Variants in MCTP2 observed in about 807,000 individuals in gnomAD.
MCTP2 encodes multiple C2 and transmembrane domain containing 2, also known as multiple C2 and transmembrane domain-containing protein 2.
Under a neutral mutation model 111.6 loss-of-function variants are expected in MCTP2, and 132 were observed. The ratio of observed to expected loss-of-function variants is 1.18; its 90% CI spans 1.03 to 1.37. MCTP2 has a LOEUF of 1.37. Among genes scored for constraint, MCTP2 ranks in the 40% most tolerant of loss-of-function variants. MCTP2 has a pLI of 0.00. For missense variants in MCTP2, 1,183 were observed against 1,067.9 expected, an observed-to-expected ratio of 1.11 and a Z score of -1.50; for synonymous variants, 395 against 387.7, an observed-to-expected ratio of 1.02 and a Z score of -0.22.
chr15:94,315,904 G>A (rs931795445), intron 4 of MCTP2, among the ~76,000 whole-genome samples: 25 of 152,110 alleles, frequency 1.6e-4, no homozygotes, highest in African/African-American at 4.8e-4. Context: ...ATAGCTTTAC[G>A]CCTGGCCTAT....
In MCTP2 at chr15:94,476,777, C is replaced by A; in HGVS notation, c.2552C>A (p.Pro851Gln). 1.3e-6 allele frequency: 2 copies of A among 1,597,462 alleles called. No homozygotes were observed. The highest frequency in any genetic ancestry group is 1.7e-6 in the Non-Finnish European group (2 of 1,165,184). The change falls in exon 22 of 23, where the codon CCG (proline) becomes CAG (glutamine). Residue 851 changes from proline (P) to glutamine (Q), a missense_variant. Transcript: ENST00000357742. ...NELLDFLSRV[P>Q]SDVQKVQYAE... is the part of the protein sequence containing the mutation. ...CTACTAGACTTCCTCTCTAGGGTAC[C>A]GTCTGATGTTCAAAAGGTATGTAAT...
chr15:94,349,819 G>GCAAA (rs2078205437), intron 8 of MCTP2, among the ~76,000 whole-genome samples: 2 of 126,554 alleles, frequency 1.6e-5, no homozygotes, highest in African/African-American at 2.9e-5. Context: ...GACTCTGTCT[G>GCAAA]AAAAAAAAAA....
intron 1 of MCTP2, among the ~76,000 whole-genome samples, chr15:94,282,890 C>G (rs897278367): frequency 2.0e-5 from 3 of 152,124 alleles, no homozygotes; most frequent in African/African-American, 7.2e-5. Context: ...TCTCTGGCCC[C>G]TCAAGGTTAA....
At chr15:94,402,777 T>C in intron 17 of MCTP2, 1 of 1,417,586 alleles carries the variant, frequency 7.1e-7, no homozygotes, top group South Asian at 1.6e-5. Flanking sequence ...TGCAAATCTT[T>C]GTATATTTGG....
Position 94,367,715 on chromosome 15 carries a change from C to T in MCTP2, c.1412C>T (p.Ala471Val), listed in dbSNP as rs562673266. ...ATGTTGGTCACACTTACACCCTGTG[C>T]GGGGGTCTCCGTCTCTGATCTGTGT... is the stretch of plus-strand genomic sequence containing the variant. ...LLMLVTLTPC[A>V]GVSVSDLCVC... Residue 471 changes from alanine (A) to valine (V), a missense_variant, in exon 11 of 23, where the codon GCG becomes GTG. Transcript: ENST00000357742. 272 of 1,609,272 alleles carry T rather than the reference C, an allele frequency of 1.7e-4. 1 individual carries two copies. The highest frequency in any genetic ancestry group is 9.4e-4 in the East Asian group (42 of 44,458).
intron 17 of MCTP2, among the ~76,000 whole-genome samples, chr15:94,425,554 TA>T (rs771436780): frequency 2.7e-5 from 4 of 148,630 alleles, no homozygotes; most frequent in Middle Eastern, 3.3e-3. Flanking sequence ...TTAGCAGGAG[TA>T]AAAAAAAAGA....
At chr15:94,317,808 CTT>C (rs1370826421) in intron 4 of MCTP2, among the ~76,000 whole-genome samples, 4 of 152,264 alleles carry the variant, frequency 2.6e-5, no homozygotes, top group Admixed American at 6.5e-5. Flanking sequence ...TTCTCTCTCT[CTT>C]GCTCATGTTT....
At chr15:94,292,502 T>C (rs1438306811) in intron 1 of MCTP2, among the ~76,000 whole-genome samples, 1 of 152,066 alleles carries the variant, frequency 6.6e-6, no homozygotes. Flanking sequence ...GAAACAAAAA[T>C]GAAAAGCCAT....
At chr15:94,272,831 C>G (rs1271025390) in intron 1 of MCTP2, among the ~76,000 whole-genome samples, 3 of 152,142 alleles carry the variant, frequency 2.0e-5, no homozygotes, top group Non-Finnish European at 4.4e-5. Context: ...GGCTAATCGT[C>G]ATAGTATAAG....
intron 1 of MCTP2, among the ~76,000 whole-genome samples, chr15:94,232,970 C>A (rs2070293602): frequency 6.6e-6 from 1 of 152,144 alleles, no homozygotes; most frequent in Non-Finnish European, 1.5e-5. Context: ...GGAACTGAGG[C>A]AGAGAGGAGT....
chr15:94,347,693 C>A (rs1465964117), intron 8 of MCTP2, among the ~76,000 whole-genome samples: 1 of 152,072 alleles, frequency 6.6e-6, no homozygotes, highest in East Asian at 1.9e-4. Context: ...TTTGGTGTGA[C>A]CAGATTTGTT....
At chr15:94,384,782 A>G (rs1403152767) in intron 13 of MCTP2, among the ~76,000 whole-genome samples, 2 of 152,222 alleles carry the variant, frequency 1.3e-5, no homozygotes, top group African/African-American at 2.4e-5. Flanking sequence ...AGTTAATGCT[A>G]TTAGCAGAAA....
At chr15:94,247,643 C>T (rs1015121617) in intron 1 of MCTP2, among the ~76,000 whole-genome samples, 1 of 152,162 alleles carries the variant, frequency 6.6e-6, no homozygotes, top group African/African-American at 2.4e-5. Flanking sequence ...CCATAGTTTA[C>T]TCCCTGACCT....
chr15:94,442,464 G>A (rs2083836804), intron 18 of MCTP2, among the ~76,000 whole-genome samples: 1 of 152,092 alleles, frequency 6.6e-6, no homozygotes, highest in South Asian at 2.1e-4. Context: ...TTATTCTTAA[G>A]ATTGATTATA....
At chr15:94,319,278 T>C (rs2076520954) in intron 4 of MCTP2, among the ~76,000 whole-genome samples, 1 of 152,190 alleles carries the variant, frequency 6.6e-6, no homozygotes, top group African/African-American at 2.4e-5. Context: ...TCATTACTAA[T>C]ACATGTGCTC....
intron 19 of MCTP2, among the ~76,000 whole-genome samples, chr15:94,449,844 C>T (rs2084332951): frequency 6.6e-6 from 1 of 152,190 alleles, no homozygotes; most frequent in Admixed American, 6.5e-5. Flanking sequence ...GCAACTGCCA[C>T]CCCTGGTATA....
intron 17 of MCTP2, chr15:94,402,396 A>G: frequency 6.6e-7 from 1 of 1,512,798 alleles, no homozygotes; most frequent in Non-Finnish European, 8.9e-7. Context: ...CATTTTAAGT[A>G]AATTATTCCC....
At chr15:94,345,527 G>A (rs1333106016) in intron 8 of MCTP2, among the ~76,000 whole-genome samples, 2 of 152,138 alleles carry the variant, frequency 1.3e-5, no homozygotes, top group East Asian at 1.9e-4. Flanking sequence ...CAATGTAAGG[G>A]TTGAAAGAAA....
intron 8 of MCTP2, among the ~76,000 whole-genome samples, chr15:94,355,070 G>A (rs1008535031): frequency 2.0e-5 from 3 of 152,156 alleles, no homozygotes; most frequent in Non-Finnish European, 2.9e-5. Context: ...TAAATGCAGC[G>A]TGTGGATCAT....
Sources: gnomAD v4.1 joint callset for allele counts (sites outside exome capture counted in the v4.1 genomes callset) on GRCh38, gnomAD v4.1.1 for gene constraint, MANE v1.5 for transcripts, NCBI Gene and HGNC (gene_info 2026-07-23, HGNC 2026-07-21) for gene names.